The following RETREG1 variants were observed in gnomAD, a reference collection of about 807,000 sequenced individuals.
The protein encoded by RETREG1 is family with sequence similarity 134 member B.
RETREG1 carries 44 observed loss-of-function variants against 54.8 expected under a neutral mutation model. The observed-to-expected ratio is 0.80, with a 90% CI of 0.63 to 1.03. RETREG1 has a LOEUF of 1.03. Among genes scored for constraint, RETREG1 ranks in the 50% least tolerant of loss-of-function variants. The pLI is 0.00. For synonymous variants in RETREG1, 217 were observed against 238.5 expected, an observed-to-expected ratio of 0.91 and a Z score of 0.83; for missense variants, 554 against 605.1, an observed-to-expected ratio of 0.92 and a Z score of 0.89.
Position 16,606,554 on chromosome 5 carries a change from A to G in RETREG1, c.320+10098T>C, listed in dbSNP as rs1043724286. Among the ~76,000 whole-genome samples, 4 of 152,114 alleles carry G rather than the reference A, an allele frequency of 2.6e-5. No homozygotes were observed. The South Asian group carries it at 8.3e-4, about 32-fold the overall frequency. Reference sequence around the variant, plus strand: ...AACATGGCCAAACCTGGGCAACCTCAGCCTGCCGCAACCTCAGCCACCCTT... The same window carrying G: ...AACATGGCCAAACCTGGGCAACCTCGGCCTGCCGCAACCTCAGCCACCCTT... On this transcript the variant is annotated intron_variant, in intron 1 of 8. Coordinates refer to ENST00000306320, the MANE Select transcript of RETREG1 (RefSeq NM_001034850.3).
intron 1 of RETREG1, among the ~76,000 whole-genome samples, chr5:16,610,905 G>T (rs1743323244): frequency 6.6e-6 from 1 of 152,070 alleles, no homozygotes; most frequent in South Asian, 2.1e-4. Flanking sequence ...CCCATTACTG[G>T]GTATATACCC....
At chr5:16,578,490 C>A (rs541020619) in intron 1 of RETREG1, among the ~76,000 whole-genome samples, 1 of 152,226 alleles carries the variant, frequency 6.6e-6, no homozygotes, top group South Asian at 2.1e-4. Flanking sequence ...GTAAGGACAT[C>A]AAAAAACAAT....
intron 8 of RETREG1, 31 bp downstream of exon 8, chr5:16,477,631 A>C: frequency 6.2e-7 from 1 of 1,606,440 alleles, no homozygotes; most frequent in Admixed American, 1.7e-5. Context: ...TGCACTCATA[A>C]AAATAAATGT....
At chr5:16,483,052 C>T in intron 4 of RETREG1, 2 of 339,622 alleles carry the variant, frequency 5.9e-6, no homozygotes, top group Non-Finnish European at 1.1e-5. Context: ...ATTCTTAAGA[C>T]TGTTTTCTCC....
chr5:16,581,558 C>T (rs961575594), intron 1 of RETREG1, among the ~76,000 whole-genome samples: 2 of 137,052 alleles, frequency 1.5e-5, no homozygotes, highest in Non-Finnish European at 3.3e-5. Context: ...CACACACACA[C>T]ACACACAAAA....
intron 1 of RETREG1, among the ~76,000 whole-genome samples, chr5:16,598,034 C>T (rs1742949663): frequency 6.6e-6 from 1 of 152,054 alleles, no homozygotes; most frequent in Non-Finnish European, 1.5e-5. Context: ...CGTGCCCTAC[C>T]TCCTGCCCTG....
At chr5:16,520,742 C>T (rs1238825676) in intron 3 of RETREG1, among the ~76,000 whole-genome samples, 2 of 152,074 alleles carry the variant, frequency 1.3e-5, no homozygotes, top group African/African-American at 2.4e-5. Context: ...TTAAGTTGCG[C>T]TATTTAGTGG....
At chr5:16,587,012 A>C (rs1031112327) in intron 1 of RETREG1, among the ~76,000 whole-genome samples, 4 of 152,186 alleles carry the variant, frequency 2.6e-5, no homozygotes, top group Non-Finnish European at 4.4e-5. Flanking sequence ...CATCCTCCGG[A>C]CCTAATCAGC....
chr5:16,482,514 T>C (rs1211303739), intron 4 of RETREG1, among the ~76,000 whole-genome samples: 3 of 151,926 alleles, frequency 2.0e-5, no homozygotes, highest in East Asian at 3.9e-4. Context: ...GCCACTTTAA[T>C]ACACTCAAAA....
intron 3 of RETREG1, among the ~76,000 whole-genome samples, chr5:16,495,973 C>T (rs1382945968): frequency 6.6e-6 from 1 of 151,986 alleles, no homozygotes; most frequent in East Asian, 1.9e-4. Flanking sequence ...TGATTTAGGG[C>T]TTCAAATAAA....
intron 3 of RETREG1, among the ~76,000 whole-genome samples, chr5:16,540,212 T>C (rs1002179285): frequency 2.0e-5 from 3 of 152,246 alleles, no homozygotes; most frequent in Admixed American, 2.0e-4. Context: ...AACAGGCTTT[T>C]ATACAGCAGT....
chr5:16,515,926 A>G (rs891536810), intron 3 of RETREG1, among the ~76,000 whole-genome samples: 4 of 152,156 alleles, frequency 2.6e-5, no homozygotes, highest in Admixed American at 1.3e-4. Context: ...TAACAAATCT[A>G]AGTCAGACCT....
intron 3 of RETREG1, among the ~76,000 whole-genome samples, chr5:16,511,640 G>C (rs1308545504): frequency 6.6e-6 from 1 of 152,240 alleles, no homozygotes; most frequent in East Asian, 1.9e-4. Flanking sequence ...TGGTGTATTA[G>C]TCCAGCCCCG....
intron 3 of RETREG1, among the ~76,000 whole-genome samples, chr5:16,549,177 C>T (rs986670046): frequency 6.6e-6 from 1 of 152,208 alleles, no homozygotes; most frequent in Non-Finnish European, 1.5e-5. Flanking sequence ...ATAAAATTAT[C>T]GATCCCATAT....
intron 3 of RETREG1, among the ~76,000 whole-genome samples, chr5:16,547,602 T>C (rs1020702173): frequency 6.6e-6 from 1 of 152,198 alleles, no homozygotes; most frequent in Non-Finnish European, 1.5e-5. Flanking sequence ...GCGTGAGACT[T>C]TGCCAAAGAA....
At chr5:16,555,315 C>T (rs940836072) in intron 3 of RETREG1, among the ~76,000 whole-genome samples, 3 of 152,162 alleles carry the variant, frequency 2.0e-5, no homozygotes, top group African/African-American at 2.4e-5. Context: ...ACACACTCGG[C>T]TACATTTCTG....
In RETREG1 at chr5:16,474,686, C is replaced by CTTTT; in HGVS notation, c.*54_*55insAAAA. On this transcript the variant is annotated 3_prime_UTR_variant, in exon 9 of 9. Coordinates refer to ENST00000306320, the MANE Select transcript of RETREG1 (RefSeq NM_001034850.3). Reference sequence around the variant, plus strand: ...TTCTTTTCCTTTTTTTTTTTTTTTTCTTGTTTGAAATTTTTTTGGTGTTTT... The same window carrying CTTTT: ...TTCTTTTCCTTTTTTTTTTTTTTTTCTTTTTTGTTTGAAATTTTTTTGGTGTTTT... 5.6e-6 allele frequency: 4 copies of CTTTT among 719,200 alleles called. No individual in the cohort carries two copies. The highest frequency in any genetic ancestry group is 3.4e-4 in the Middle Eastern group (1 of 2,902). The allele number at this position is 719,200 out of a possible 1,614,324, so 44.6% of individuals were successfully genotyped here.
chr5:16,475,758 C>T (rs544055304), intron 8 of RETREG1, among the ~76,000 whole-genome samples: 120 of 152,122 alleles, frequency 7.9e-4, no homozygotes, highest in Non-Finnish European at 1.3e-3. Flanking sequence ...GATACTGCTC[C>T]TTCTATTCCA....
intron 3 of RETREG1, among the ~76,000 whole-genome samples, chr5:16,527,584 T>C (rs192705678): frequency 6.6e-6 from 1 of 152,198 alleles, no homozygotes; most frequent in African/African-American, 2.4e-5. Context: ...ATCATAATAA[T>C]AACAAGAATA....
Sources: allele counts gnomAD v4.1 joint callset (sites outside exome capture counted in the v4.1 genomes callset), GRCh38; gene constraint gnomAD v4.1.1; transcripts MANE v1.5; gene names NCBI Gene and HGNC (gene_info 2026-07-23, HGNC 2026-07-21).